Variants in TSGA10 observed in about 807,000 individuals in gnomAD.
The protein encoded by TSGA10 is testis specific 10.
Under a neutral mutation model 96.6 loss-of-function variants are expected in TSGA10, and 43 were observed. That is an observed-to-expected ratio of 0.44 (90% CI 0.35 to 0.57). The LOEUF is 0.57. TSGA10 is among the 20% of genes least tolerant of loss of function. The pLI, the probability that TSGA10 is intolerant of heterozygous loss-of-function variation, is 0.01. For synonymous variants in TSGA10, 229 were observed against 269.9 expected, an observed-to-expected ratio of 0.85 and a Z score of 1.48; for missense variants, 703 against 834.4, an observed-to-expected ratio of 0.84 and a Z score of 1.94.
At chr2:99,049,809 C>T (rs1037157567) in intron 16 of TSGA10, among the ~76,000 whole-genome samples, 3 of 151,430 alleles carry the variant, frequency 2.0e-5, no homozygotes, top group Non-Finnish European at 2.9e-5. Flanking sequence ...GCAGATCCAC[C>T]ATATAAGAAA....
intron 1 of TSGA10, among the ~76,000 whole-genome samples, chr2:99,145,670 A>G (rs2093624450): frequency 6.6e-6 from 1 of 152,160 alleles, no homozygotes; most frequent in Non-Finnish European, 1.5e-5. Flanking sequence ...CCCCCTTGCC[A>G]CATAACATAA....
intron 20 of TSGA10, among the ~76,000 whole-genome samples, chr2:98,999,686 T>C (rs998408138): frequency 4.6e-5 from 7 of 152,252 alleles, no homozygotes; most frequent in Non-Finnish European, 8.8e-5. Flanking sequence ...ATTATAACTA[T>C]TGATGTGACA....
rs765231244 is a variant in TSGA10 at position 99,069,012 on chromosome 2, A to G, written c.1108-14T>C. 3 of 1,368,052 alleles carry G rather than the reference A, an allele frequency of 2.2e-6. No individual in the cohort carries two copies. The highest frequency in any genetic ancestry group is 2.9e-6 in the Non-Finnish European group (3 of 1,028,576). 84.7% of individuals were successfully genotyped at this position (1,368,052 alleles called of 1,614,324 possible). A position where few individuals can be genotyped will look rare whatever the true frequency, so the allele number is the denominator to read the frequency against. ...TTTGGACAGTGCCTACGAAAAAAAG[A>G]TAGGTATATTTGACTATGAAAAATA... is the stretch of plus-strand genomic sequence containing the variant. On this transcript the variant is annotated splice_polypyrimidine_tract_variant and intron_variant, in intron 14 of 20. Coordinates refer to ENST00000393483, the MANE Select transcript of TSGA10 (RefSeq NM_025244.4).
intron 10 of TSGA10, chr2:99,102,408 G>A: frequency 1.9e-6 from 3 of 1,613,898 alleles, no homozygotes; most frequent in Non-Finnish European, 2.5e-6. Context: ...GTCATTTACA[G>A]GAAAACAAGG....
At chr2:99,127,504 C>T (rs190103261) in intron 1 of TSGA10, among the ~76,000 whole-genome samples, 2 of 152,098 alleles carry the variant, frequency 1.3e-5, no homozygotes, top group African/African-American at 2.4e-5. Context: ...TAGTGAGTTA[C>T]GTTTGCTGTT....
At chr2:99,024,080 G>A (rs2080304203) in intron 17 of TSGA10, among the ~76,000 whole-genome samples, 1 of 149,012 alleles carries the variant, frequency 6.7e-6, no homozygotes. Flanking sequence ...CTGTAGTTTT[G>A]TAAAGTACAA....
chr2:99,102,557 C>T lies in TSGA10; in HGVS notation c.611+1410G>A, dbSNP rs954892351. On this transcript the variant is annotated intron_variant, in intron 10 of 20. Coordinates refer to ENST00000393483, the MANE Select transcript of TSGA10 (RefSeq NM_025244.4). ...TTGACCAGGCTCTGGATGCTCAGCA[C>T]AGAAAGGCTGTGTCAGATATGATTA... The T allele has an allele frequency of 8.1e-6, 13 of 1,614,006 alleles. No individual in the cohort carries two copies. In the African/African-American group the frequency reaches 1.1e-4, roughly 13 times the overall value.
chr2:99,128,160 G>A (rs1385829301), intron 1 of TSGA10, among the ~76,000 whole-genome samples: 3 of 152,100 alleles, frequency 2.0e-5, no homozygotes, highest in Non-Finnish European at 4.4e-5. Context: ...ACAGAATCAG[G>A]ATCTCCCCAG....
intron 20 of TSGA10, among the ~76,000 whole-genome samples, chr2:99,015,553 G>C (rs867330723): frequency 2.0e-5 from 3 of 152,164 alleles, no homozygotes; most frequent in Middle Eastern, 3.4e-3. Context: ...ATACTGAATG[G>C]GGACAGTTGA....
intron 10 of TSGA10, among the ~76,000 whole-genome samples, chr2:99,090,019 C>T (rs1475025703): frequency 6.6e-6 from 1 of 152,210 alleles, no homozygotes; most frequent in Non-Finnish European, 1.5e-5. Flanking sequence ...TTTCACTCCC[C>T]TGCCACCTCC....
At chr2:99,107,857 T>C (rs1485771930) in intron 7 of TSGA10, among the ~76,000 whole-genome samples, 1 of 152,200 alleles carries the variant, frequency 6.6e-6, no homozygotes, top group Non-Finnish European at 1.5e-5. Context: ...AAAAAGTATA[T>C]TGATTCCTGC....
chr2:99,129,198 T>C (rs2092958865), intron 1 of TSGA10, among the ~76,000 whole-genome samples: 1 of 152,196 alleles, frequency 6.6e-6, no homozygotes, highest in Admixed American at 6.5e-5. Flanking sequence ...ATAATGATCA[T>C]CTCTTAATTG....
At chr2:99,017,579 A>C (rs556670854) in intron 20 of TSGA10, among the ~76,000 whole-genome samples, 1 of 151,692 alleles carries the variant, frequency 6.6e-6, no homozygotes, top group Non-Finnish European at 1.5e-5. Flanking sequence ...TCCCGGCTAA[A>C]ACGGTGAAAC....
At chr2:99,127,521 C>T (rs1277463985) in intron 1 of TSGA10, among the ~76,000 whole-genome samples, 2 of 151,894 alleles carry the variant, frequency 1.3e-5, no homozygotes, top group Admixed American at 1.3e-4. Context: ...TGTTGCTACT[C>T]TATACAAGAA....
intron 20 of TSGA10, among the ~76,000 whole-genome samples, chr2:99,011,595 T>G (rs1419985213): frequency 6.6e-6 from 1 of 152,146 alleles, no homozygotes; most frequent in East Asian, 1.9e-4. Flanking sequence ...AAAACTTATT[T>G]GAGGGAATAA....
chr2:99,005,316 A>G (rs537494328), intron 20 of TSGA10, among the ~76,000 whole-genome samples: 1 of 152,302 alleles, frequency 6.6e-6, no homozygotes, highest in Non-Finnish European at 1.5e-5. Context: ...AGAAAGAAAC[A>G]AAGGGTATTC....
At chr2:99,121,411 G>A (rs1171022516) in intron 2 of TSGA10, among the ~76,000 whole-genome samples, 1 of 426 alleles carries the variant, frequency 2.3e-3, no homozygotes, top group African/African-American at 8.8e-3. Context: ...TGTTTACAGA[G>A]GCTGAACATC....
intron 1 of TSGA10, among the ~76,000 whole-genome samples, chr2:99,127,497 T>C (rs2092888543): frequency 6.6e-6 from 1 of 152,134 alleles, no homozygotes; most frequent in South Asian, 2.1e-4. Context: ...TAGCTATTAG[T>C]GAGTTACGTT....
intron 1 of TSGA10, among the ~76,000 whole-genome samples, chr2:99,133,152 TTC>T (rs1352647062): frequency 3.3e-5 from 5 of 152,204 alleles, no homozygotes; most frequent in Admixed American, 1.3e-4. Context: ...CTTGTTAATT[TTC>T]TGTCTAGTTG....
Sources: gnomAD v4.1 joint callset for allele counts (sites outside exome capture counted in the v4.1 genomes callset) on GRCh38, gnomAD v4.1.1 for gene constraint, MANE v1.5 for transcripts, NCBI Gene and HGNC (gene_info 2026-07-23, HGNC 2026-07-21) for gene names.